Variants in GLT1D1 observed in about 807,000 individuals in gnomAD.
GLT1D1 encodes glycosyltransferase 1 domain-containing protein 1.
GLT1D1 carries 21 observed loss-of-function variants against 28.7 expected under a neutral mutation model. The ratio of observed to expected loss-of-function variants is 0.73; its 90% CI spans 0.52 to 1.05. GLT1D1 has a LOEUF of 1.05. GLT1D1 is among the 50% of genes least tolerant of loss of function. The probability of loss-of-function intolerance (pLI) is 0.00; values close to 1 mark genes in which losing one functional copy is unlikely to be tolerated. For missense variants in GLT1D1, 343 were observed against 330.6 expected, an observed-to-expected ratio of 1.04 and a Z score of -0.29; for synonymous variants, 147 against 124.8, an observed-to-expected ratio of 1.18 and a Z score of -1.19.
Position 128,936,356 on chromosome 12 carries a change from G to A in GLT1D1, c.376-8970G>A, listed in dbSNP as rs190180183. On this transcript the variant is annotated intron_variant, in intron 4 of 7. Transcript: ENST00000281703. Reference sequence around the variant, plus strand: ...TTTTTAGTAGAGATGGGGTTTCACCGTGTTAGCCAGGATGGTCTCGATCCC... The same window carrying A: ...TTTTTAGTAGAGATGGGGTTTCACCATGTTAGCCAGGATGGTCTCGATCCC... 2.1e-3 allele frequency among the ~76,000 whole-genome samples: 321 copies of A among 152,074 alleles called. 3 individuals are homozygous for A. The highest frequency in any genetic ancestry group is 6.5e-3 in the African/African-American group (268 of 41,498).
chr12:128,921,200 T>C (rs1872628222), intron 4 of GLT1D1, among the ~76,000 whole-genome samples: 2 of 152,178 alleles, frequency 1.3e-5, no homozygotes, highest in African/African-American at 2.4e-5. Context: ...TTTAGTTTTT[T>C]TTTTTTAACC....
chr12:128,913,639 G>A (rs897355976), intron 4 of GLT1D1, among the ~76,000 whole-genome samples: 3 of 152,236 alleles, frequency 2.0e-5, no homozygotes, highest in African/African-American at 7.2e-5. Flanking sequence ...AGAGGCTGAG[G>A]CCAGGCGTTC....
At chr12:128,857,626 A>G (rs1956253809) in intron 1 of GLT1D1, among the ~76,000 whole-genome samples, 1 of 152,088 alleles carries the variant, frequency 6.6e-6, no homozygotes, top group Non-Finnish European at 1.5e-5. Context: ...AGCAGTGAGG[A>G]CTGGATGTTC....
chr12:128,951,986 C>T (rs1317650401), intron 6 of GLT1D1, among the ~76,000 whole-genome samples: 2 of 152,264 alleles, frequency 1.3e-5, no homozygotes, highest in South Asian at 2.1e-4. Context: ...TCCTCCCCTG[C>T]GTCTCCCCGT....
intron 4 of GLT1D1, chr12:128,944,416 T>G: frequency 7.7e-7 from 1 of 1,296,710 alleles, no homozygotes; most frequent in South Asian, 1.2e-5. Flanking sequence ...CTGGCTTTGT[T>G]TGGCTTCATA....
At chr12:128,974,282 C>T (rs1012262678) in intron 7 of GLT1D1, among the ~76,000 whole-genome samples, 10 of 152,246 alleles carry the variant, frequency 6.6e-5, no homozygotes, top group East Asian at 3.9e-4. Context: ...CGGACATCTA[C>T]GGACCCACCC....
chr12:128,917,545 C>T (rs1262720971), intron 4 of GLT1D1, among the ~76,000 whole-genome samples: 9 of 152,104 alleles, frequency 5.9e-5, no homozygotes, highest in South Asian at 2.1e-4. Context: ...CCCAAAGTGC[C>T]GGGATTACAG....
chr12:128,908,720 A>T (rs557268976), intron 4 of GLT1D1, among the ~76,000 whole-genome samples: 6 of 151,714 alleles, frequency 4.0e-5, no homozygotes, highest in East Asian at 2.0e-4. Flanking sequence ...GAGGCCGAGG[A>T]GGGCGGATCA....
At chr12:128,955,321 C>T (rs894098387) in intron 6 of GLT1D1, among the ~76,000 whole-genome samples, 34 of 152,326 alleles carry the variant, frequency 2.2e-4, no homozygotes, top group African/African-American at 7.5e-4. Context: ...GTCTCTTTCT[C>T]TCTCTTTTCT....
chr12:128,932,279 A>C (rs1874001233), intron 4 of GLT1D1, among the ~76,000 whole-genome samples: 1 of 152,186 alleles, frequency 6.6e-6, no homozygotes, highest in Non-Finnish European at 1.5e-5. Flanking sequence ...TACGGGTCCC[A>C]GATGAGTCCC....
intron 4 of GLT1D1, among the ~76,000 whole-genome samples, chr12:128,918,487 A>G (rs1301318658): frequency 1.3e-5 from 2 of 152,224 alleles, no homozygotes; most frequent in Non-Finnish European, 2.9e-5. Context: ...AAATAAGATA[A>G]AATGAAACAA....
Position 128,940,598 on chromosome 12 carries a change from C to T in GLT1D1, c.376-4728C>T, listed in dbSNP as rs564790518. Among the ~76,000 whole-genome samples, 11 of 152,220 alleles carry T rather than the reference C, an allele frequency of 7.2e-5. No homozygotes were observed. The South Asian group carries it at 1.2e-3, about 17-fold the overall frequency. The stretch of plus-strand genomic sequence containing the variant: ...AAACTTCTGGCCTGTCTTTGAGGAG[C>T]GATAAGTTTGAACATGTTGCTATTA... On this transcript the variant is annotated intron_variant, in intron 4 of 7. Coordinates refer to ENST00000281703, the MANE Select transcript of GLT1D1 (RefSeq NM_144669.3).
At chr12:128,947,577 C>A in intron 6 of GLT1D1, 119 bp downstream of exon 10, 1 of 1,132,354 alleles carries the variant, frequency 8.8e-7, no homozygotes, top group Non-Finnish European at 1.3e-6. Flanking sequence ...GCTAAAAAGG[C>A]CAAGCAGCAT....
intron 4 of GLT1D1, among the ~76,000 whole-genome samples, chr12:128,940,252 A>G (rs1221470132): frequency 6.6e-6 from 1 of 152,118 alleles, no homozygotes; most frequent in Non-Finnish European, 1.5e-5. Context: ...TATAGCAGTT[A>G]CTGTGTCCCA....
intron 7 of GLT1D1, among the ~76,000 whole-genome samples, chr12:128,980,223 G>T (rs1019662633): frequency 7.9e-5 from 12 of 152,180 alleles, no homozygotes; most frequent in Admixed American, 7.9e-4. Context: ...CACAGGTGGG[G>T]GTGGCTGGGG....
At chr12:128,882,894 CTATTTATT>C (rs60181904) in intron 2 of GLT1D1, among the ~76,000 whole-genome samples, 24,832 of 149,658 alleles carry the variant, frequency 0.17, 2,178 homozygotes, top group South Asian at 0.25. Context: ...CCTCCTCTTT[CTATTTATT>C]TATTTATTTA....
intron 1 of GLT1D1, among the ~76,000 whole-genome samples, chr12:128,859,988 C>T (rs1295667984): frequency 6.6e-6 from 1 of 152,118 alleles, no homozygotes; most frequent in East Asian, 1.9e-4. Flanking sequence ...GTCTGTGTGT[C>T]ACGTTAAATA....
At chr12:128,939,466 A>G (rs1456903756) in intron 4 of GLT1D1, among the ~76,000 whole-genome samples, 1 of 151,726 alleles carries the variant, frequency 6.6e-6, no homozygotes, top group African/African-American at 2.4e-5. Flanking sequence ...TCATGCTTGT[A>G]ATCCCAGCAC....
At chr12:128,978,040 C>T (rs1312766713) in intron 7 of GLT1D1, among the ~76,000 whole-genome samples, 1 of 151,900 alleles carries the variant, frequency 6.6e-6, no homozygotes, top group Non-Finnish European at 1.5e-5. Flanking sequence ...CCACTTCAGC[C>T]TCCCAAAATG....
Sources: allele counts gnomAD v4.1 joint callset (sites outside exome capture counted in the v4.1 genomes callset), GRCh38; gene constraint gnomAD v4.1.1; transcripts MANE v1.5; gene names NCBI Gene and HGNC (gene_info 2026-07-23, HGNC 2026-07-21).